RGS5: variants seen among roughly 807,000 people sequenced by gnomAD.
The protein encoded by RGS5 is regulator of G-protein signalling 5.
RGS5 carries 20 observed loss-of-function variants against 18.9 expected under a neutral mutation model. That is an observed-to-expected ratio of 1.06 (90% CI 0.74 to 1.54). The LOEUF (loss-of-function observed/expected upper bound fraction) is 1.54, where lower values mean the gene tolerates loss of function less well. Among genes scored for constraint, RGS5 ranks in the 40% most tolerant of loss-of-function variants. RGS5 has a pLI of 0.00. For synonymous variants in RGS5, 57 were observed against 76.2 expected (o/e 0.75, Z 1.31); for missense variants, 201 against 211.8 (o/e 0.95, Z 0.32).
At chr1:163,150,151 T>C (rs1657315378) in intron 4 of RGS5, among the ~76,000 whole-genome samples, 1 of 152,210 alleles carries the variant, frequency 6.6e-6, no homozygotes, top group Admixed American at 6.5e-5. Context: ...GTCTAATGTA[T>C]ACTATTGTAC....
At chr1:163,312,328 T>C (rs1243760225) in intron 1 of RGS5, among the ~76,000 whole-genome samples, 1 of 152,214 alleles carries the variant, frequency 6.6e-6, no homozygotes, top group Non-Finnish European at 1.5e-5. Context: ...TACTCAGTCT[T>C]GGGCAGTTCT....
At chr1:163,240,429 G>GAA (rs547057880) in intron 2 of RGS5, among the ~76,000 whole-genome samples, 4 of 143,164 alleles carry the variant, frequency 2.8e-5, no homozygotes, top group Non-Finnish European at 4.6e-5. Context: ...TCATGGTGGG[G>GAA]AAAAAAAAAA....
chr1:163,237,571 G>C (rs1157226341), intron 2 of RGS5: 1 of 152,378 alleles, frequency 6.6e-6, no homozygotes, highest in East Asian at 1.9e-4. Flanking sequence ...TGTAGTCCCA[G>C]CTACTTGGGA....
chr1:163,246,859 T>C (rs1647956041), intron 2 of RGS5, among the ~76,000 whole-genome samples: 1 of 152,082 alleles, frequency 6.6e-6, no homozygotes, highest in Non-Finnish European at 1.5e-5. Context: ...GTGGACCAGA[T>C]AAAGAAATGT....
chr1:163,308,607 T>C (rs1055235163), intron 1 of RGS5: 8 of 152,198 alleles, frequency 5.3e-5, no homozygotes, highest in Admixed American at 6.5e-5. Flanking sequence ...AACAGGTCAA[T>C]GGATTGAGCC....
intron 4 of RGS5, among the ~76,000 whole-genome samples, chr1:163,151,383 T>C (rs1244781590): frequency 6.6e-6 from 1 of 151,838 alleles, no homozygotes; most frequent in Non-Finnish European, 1.5e-5. Context: ...AGACTAGAAA[T>C]GGGAATGGAA....
chr1:163,313,001 T>C (rs1371465860), intron 1 of RGS5, among the ~76,000 whole-genome samples: 1 of 152,212 alleles, frequency 6.6e-6, no homozygotes, highest in African/African-American at 2.4e-5. Context: ...ACCATTCTAC[T>C]TTCTGTCTTT....
chr1:163,274,008 T>C (rs900624354), intron 2 of RGS5, among the ~76,000 whole-genome samples: 1 of 152,186 alleles, frequency 6.6e-6, no homozygotes, highest in African/African-American at 2.4e-5. Flanking sequence ...TCACAGCCAG[T>C]AAGGTGTCTA....
chr1:163,264,553 A>AG (rs1491270246), intron 2 of RGS5, among the ~76,000 whole-genome samples: 1 of 152,160 alleles, frequency 6.6e-6, no homozygotes, highest in Non-Finnish European at 1.5e-5. Flanking sequence ...ACTCCTGCCA[A>AG]GATCATTCAT....
chr1:163,265,010 G>A (rs1326428009), intron 2 of RGS5, among the ~76,000 whole-genome samples: 1 of 152,082 alleles, frequency 6.6e-6, no homozygotes, highest in African/African-American at 2.4e-5. Context: ...CATTGCAAAA[G>A]CATATTACAT....
intron 4 of RGS5, among the ~76,000 whole-genome samples, chr1:163,149,183 T>G (rs1042791196): frequency 2.0e-5 from 3 of 152,134 alleles, no homozygotes; most frequent in East Asian, 1.9e-4. Context: ...AGCGTCAGAG[T>G]TGATGAAGTC....
chr1:163,169,484 G>A (rs1050148241), intron 1 of RGS5, among the ~76,000 whole-genome samples: 1 of 152,120 alleles, frequency 6.6e-6, no homozygotes, highest in Non-Finnish European at 1.5e-5. Context: ...CACCAACAGT[G>A]TAAAAGTGTT....
chr1:163,203,547 T>C (rs945952487), upstream of RGS5, among the ~76,000 whole-genome samples: 6 of 152,222 alleles, frequency 3.9e-5, no homozygotes, highest in Non-Finnish European at 8.8e-5. Flanking sequence ...TTACTGTTTA[T>C]ATAAATCAAA....
intron 1 of RGS5, among the ~76,000 whole-genome samples, chr1:163,188,340 AG>A (rs2101643144): frequency 6.6e-6 from 1 of 152,272 alleles, no homozygotes; most frequent in South Asian, 2.1e-4. Flanking sequence ...AGTTTGTCTG[AG>A]CTTTAGCCAC....
intron 1 of RGS5, among the ~76,000 whole-genome samples, chr1:163,189,234 G>A (rs1659240576): frequency 6.6e-6 from 1 of 152,110 alleles, no homozygotes; most frequent in African/African-American, 2.4e-5. Flanking sequence ...TGACAATCTG[G>A]GAAGTTTTAT....
At chr1:163,219,206 C>G (rs1660283004), upstream of RGS5, among the ~76,000 whole-genome samples, 1 of 152,154 alleles carries the variant, frequency 6.6e-6, no homozygotes, top group Admixed American at 6.5e-5. Context: ...AACCAGCACC[C>G]AGATTAAGAA....
intron 1 of RGS5, among the ~76,000 whole-genome samples, chr1:163,182,278 T>C (rs1382240461): frequency 6.6e-6 from 1 of 152,198 alleles, no homozygotes; most frequent in East Asian, 1.9e-4. Flanking sequence ...AAAGAGAAGA[T>C]ACACTGCTGG....
At chr1:163,269,919 G>C (rs1320648196) in intron 2 of RGS5, among the ~76,000 whole-genome samples, 2 of 152,044 alleles carry the variant, frequency 1.3e-5, no homozygotes, top group Non-Finnish European at 2.9e-5. Context: ...AATCTAACTG[G>C]AAAGGCAGAC....
At chr1:163,153,329 G>A (rs544348003) in intron 3 of RGS5, among the ~76,000 whole-genome samples, 1 of 152,182 alleles carries the variant, frequency 6.6e-6, no homozygotes, top group South Asian at 2.1e-4. Context: ...AGAAACAGAA[G>A]AAACATTTAC....
Sources: allele counts gnomAD v4.1 joint callset (sites outside exome capture counted in the v4.1 genomes callset), GRCh38; gene constraint gnomAD v4.1.1; transcripts MANE v1.5; gene names NCBI Gene and HGNC (gene_info 2026-07-23, HGNC 2026-07-21).